NEK1: variants seen among roughly 807,000 people sequenced by gnomAD.
The protein encoded by NEK1 is NIMA related kinase 1, also known as serine/threonine-protein kinase Nek1.
A neutral mutation model predicts 182.1 loss-of-function variants in NEK1; 137 were observed. The ratio of observed to expected loss-of-function variants is 0.75; its 90% CI spans 0.65 to 0.87. NEK1 has a LOEUF of 0.87. Among genes scored for constraint, NEK1 ranks in the 40% least tolerant of loss-of-function variants. NEK1 has a pLI of 0.00. For missense variants in NEK1, 1,391 were observed against 1,494.4 expected (o/e 0.93, Z 1.14); for synonymous variants, 513 against 492.2 (o/e 1.04, Z -0.56).
chr4:169,398,426 TTTA>T (rs1282290588), intron 35 of NEK1, among the ~76,000 whole-genome samples: 2 of 152,180 alleles, frequency 1.3e-5, no homozygotes, highest in Non-Finnish European at 2.9e-5. Flanking sequence ...GTGCCCTCTT[TTTA>T]AAGATCATGG....
intron 27 of NEK1, among the ~76,000 whole-genome samples, chr4:169,444,391 A>G (rs1166736984): frequency 6.6e-6 from 1 of 152,174 alleles, no homozygotes; most frequent in Non-Finnish European, 1.5e-5. Context: ...CATTACATAT[A>G]TAGACTGAAA....
intron 31 of NEK1, among the ~76,000 whole-genome samples, chr4:169,414,225 A>G (rs1230433316): frequency 6.6e-6 from 1 of 152,192 alleles, no homozygotes; most frequent in African/African-American, 2.4e-5. Flanking sequence ...TTTCTGATCT[A>G]GAATCTATTT....
chr4:169,489,809 A>G (rs1749735067), intron 23 of NEK1, among the ~76,000 whole-genome samples: 1 of 152,092 alleles, frequency 6.6e-6, no homozygotes, highest in African/African-American at 2.4e-5. Flanking sequence ...TCAGGATCAG[A>G]GTCACAGCTA....
At chr4:169,593,754 C>T (rs964779029) in intron 5 of NEK1, among the ~76,000 whole-genome samples, 2 of 152,104 alleles carry the variant, frequency 1.3e-5, no homozygotes, top group African/African-American at 4.8e-5. Flanking sequence ...TTTGGGAGGC[C>T]TAGGCGGGCA....
chr4:169,565,077 GTTATTT>G (rs1763470082), intron 12 of NEK1, among the ~76,000 whole-genome samples: 1 of 152,124 alleles, frequency 6.6e-6, no homozygotes, highest in Non-Finnish European at 1.5e-5. Context: ...ATTTTGGCTA[GTTATTT>G]CAATTCAACT....
chr4:169,556,283 C>A (rs2051424070), intron 16 of NEK1, among the ~76,000 whole-genome samples, 188 bp from the exon 17 acceptor site: 1 of 151,942 alleles, frequency 6.6e-6, no homozygotes, highest in African/African-American at 2.4e-5. Context: ...AACCAAAAAG[C>A]AGTATACTTT....
At chr4:169,514,887 A>T (rs1754865522) in intron 19 of NEK1, among the ~76,000 whole-genome samples, 1 of 151,806 alleles carries the variant, frequency 6.6e-6, no homozygotes, top group Admixed American at 6.6e-5. Context: ...TGATTTGGGA[A>T]TATTTTGCTC....
intron 19 of NEK1, among the ~76,000 whole-genome samples, chr4:169,525,730 G>A (rs1359544479): frequency 6.6e-6 from 1 of 152,082 alleles, no homozygotes; most frequent in Admixed American, 6.5e-5. Flanking sequence ...GCCTTTTACA[G>A]GAAAATATCT....
chr4:169,469,016 T>C (rs1415968545), intron 26 of NEK1, among the ~76,000 whole-genome samples: 1 of 152,124 alleles, frequency 6.6e-6, no homozygotes, highest in Admixed American at 6.6e-5. Flanking sequence ...TTCTTCTTTA[T>C]TAGTCTGGCT....
rs558086889 is a variant in NEK1, at chr4:169,538,141, A to C, written c.1563-230T>G. On this transcript the variant is annotated intron_variant, in intron 18 of 35. Coordinates refer to ENST00000507142, the MANE Select transcript of NEK1 (RefSeq NM_001199397.3). ...TATAATTCTACTCTAAGTCTTCACA[A>C]GATAGTTTCTTTTATATTTATTTGA... Among the ~76,000 whole-genome samples, 3 of 152,250 alleles carry C rather than the reference A, an allele frequency of 2.0e-5. No homozygotes were observed. The East Asian group carries it at 5.8e-4, about 29-fold the overall frequency.
At chr4:169,586,893 T>G (rs1009907384) in intron 9 of NEK1, among the ~76,000 whole-genome samples, 1 of 152,052 alleles carries the variant, frequency 6.6e-6, no homozygotes. Flanking sequence ...TAGTCAATAC[T>G]GGCTGGAAGA....
chr4:169,434,292 A>G (rs965207391), intron 28 of NEK1, among the ~76,000 whole-genome samples: 2 of 149,890 alleles, frequency 1.3e-5, no homozygotes, highest in Non-Finnish European at 3.0e-5. Context: ...CACTCACTAC[A>G]ACCTACACCT....
chr4:169,535,548 A>C (rs895664729), intron 19 of NEK1, among the ~76,000 whole-genome samples: 1 of 152,040 alleles, frequency 6.6e-6, no homozygotes, highest in African/African-American at 2.4e-5. Context: ...CCAGAGACCT[A>C]GAAGAGGGAG....
rs142337223 is a variant in NEK1 at position 169,424,721 on chromosome 4, C to G, written c.3054G>C (p.Val1018=). The change falls in exon 31 of 36, where the codon GTG becomes GTC. Residue 1018 remains valine (V), a synonymous_variant. Coordinates refer to ENST00000507142, the MANE Select transcript of NEK1 (RefSeq NM_001199397.3). ...CTAAGTTCAAGTGTTCAGAATGAAC[C>G]ACCTTATGGAAAAATGGTTCCGGTT... ...SVQPEPFFHK[V]VHSEHLNLVP... 9 of 1,613,720 alleles carry G rather than the reference C, an allele frequency of 5.6e-6. No individual in the cohort carries two copies. Among genetic ancestry groups the G allele is most frequent in the African/African-American group, 5.3e-5 (4 of 75,018 alleles).
intron 31 of NEK1, among the ~76,000 whole-genome samples, chr4:169,423,423 T>C (rs1481370553): frequency 1.3e-5 from 2 of 152,084 alleles, no homozygotes; most frequent in Admixed American, 6.6e-5. Context: ...ATTTAAAAAA[T>C]AGTTAAGGAC....
At chr4:169,465,151 A>G (rs192326780) in intron 26 of NEK1, among the ~76,000 whole-genome samples, 1 of 152,304 alleles carries the variant, frequency 6.6e-6, no homozygotes, top group African/African-American at 2.4e-5. Context: ...ATGATTACCA[A>G]GAGGAATTTC....
rs199732218 is a variant in NEK1, at chr4:169,515,500, C to CT, written c.1666-6649dup. On this transcript the variant is annotated intron_variant, in intron 19 of 35. Coordinates refer to ENST00000507142, the MANE Select transcript of NEK1 (RefSeq NM_001199397.3). ...TACATATTTAGGATTGCAATAACTT[C>CT]TTTTTTTTTTTTTTATTATACTCTA... Among the ~76,000 whole-genome samples the CT allele has an allele frequency of 9.2e-3, 1,301 of 141,642 alleles. 9 individuals carry two copies. The highest frequency in any genetic ancestry group is 0.034 in the South Asian group (152 of 4,422). The allele number at this position is 141,642 out of a possible 152,430, so 92.9% of individuals were successfully genotyped here. A position where few individuals can be genotyped will look rare whatever the true frequency, so the allele number is the denominator to read the frequency against.
chr4:169,584,934 C>T (rs1008451379), intron 10 of NEK1, among the ~76,000 whole-genome samples: 1 of 152,096 alleles, frequency 6.6e-6, no homozygotes, highest in Admixed American at 6.6e-5. Context: ...ACCTATAATC[C>T]CAGCACTTTG....
intron 28 of NEK1, among the ~76,000 whole-genome samples, chr4:169,434,199 A>G (rs1259375631): frequency 7.2e-6 from 1 of 139,748 alleles, no homozygotes; most frequent in Non-Finnish European, 1.5e-5. Flanking sequence ...AGACACTCAA[A>G]TAGTTTTTTT....
Sources: gnomAD v4.1 joint callset for allele counts (sites outside exome capture counted in the v4.1 genomes callset) on GRCh38, gnomAD v4.1.1 for gene constraint, MANE v1.5 for transcripts, NCBI Gene and HGNC (gene_info 2026-07-23, HGNC 2026-07-21) for gene names.